CYP39A1: variants seen among roughly 807,000 people sequenced by gnomAD.
CYP39A1 encodes the protein cytochrome P450 family 39 subfamily A member 1, also known as 24-hydroxycholesterol 7-alpha-hydroxylase.
In CYP39A1, 49 loss-of-function variants were observed where a neutral mutation model predicts 58.1. The observed-to-expected ratio is 0.84, with a 90% CI of 0.67 to 1.07. The LOEUF (loss-of-function observed/expected upper bound fraction) is 1.07, where lower values mean the gene tolerates loss of function less well. CYP39A1 is among the 50% of genes least tolerant of loss of function. CYP39A1 has a pLI of 0.00. For missense variants in CYP39A1, 531 were observed against 539.4 expected (o/e 0.98, Z 0.16); for synonymous variants, 209 against 187.6 (o/e 1.11, Z -0.93).
At chr6:46,585,364 C>T (rs199984890) in intron 10 of CYP39A1, among the ~76,000 whole-genome samples, 26 of 141,008 alleles carry the variant, frequency 1.8e-4, no homozygotes, top group South Asian at 2.3e-4. Context: ...GATAGATAGA[C>T]AGACAGATAG....
intron 10 of CYP39A1, among the ~76,000 whole-genome samples, chr6:46,564,896 A>C (rs539320185): frequency 1.3e-5 from 2 of 152,220 alleles, no homozygotes; most frequent in Non-Finnish European, 2.9e-5. Context: ...TGTCATAGGC[A>C]TCATTCATTG....
At chr6:46,622,397 A>T (rs923746002) in intron 7 of CYP39A1, among the ~76,000 whole-genome samples, 3 of 152,070 alleles carry the variant, frequency 2.0e-5, no homozygotes, top group Non-Finnish European at 4.4e-5. Flanking sequence ...ACAAACTTAT[A>T]GCTCAAGATG....
intron 10 of CYP39A1, among the ~76,000 whole-genome samples, chr6:46,560,718 A>G (rs568962738): frequency 6.6e-6 from 1 of 152,290 alleles, no homozygotes; most frequent in Admixed American, 6.5e-5. Context: ...TATTTAGACA[A>G]TTATTTAAAG....
At chr6:46,594,586 T>C (rs1395074202) in intron 8 of CYP39A1, among the ~76,000 whole-genome samples, 1 of 151,948 alleles carries the variant, frequency 6.6e-6, no homozygotes, top group Non-Finnish European at 1.5e-5. Flanking sequence ...ATAAATGATG[T>C]TGGGAAAACT....
chr6:46,596,630 G>GT lies in CYP39A1; in HGVS notation c.932-511dup, dbSNP rs1773180539. Reference sequence around the variant, plus strand: ...CTGGAAAAGGGGCAATGGGGCACAAGTATCTGAGCTGGAAGAATGAAGATG... The same window carrying GT: ...CTGGAAAAGGGGCAATGGGGCACAAGTTATCTGAGCTGGAAGAATGAAGATG... On this transcript the variant is annotated intron_variant, in intron 7 of 11. Coordinates refer to ENST00000275016, the MANE Select transcript of CYP39A1 (RefSeq NM_016593.5). Among the ~76,000 whole-genome samples, 3 of 151,770 alleles carry GT rather than the reference G, an allele frequency of 2.0e-5. No homozygotes were observed. In the South Asian group the frequency reaches 6.2e-4, roughly 32 times the overall value.
At chr6:46,630,333 T>C (rs1775577886) in intron 6 of CYP39A1, among the ~76,000 whole-genome samples, 1 of 152,162 alleles carries the variant, frequency 6.6e-6, no homozygotes, top group South Asian at 2.1e-4. Context: ...GCTTATCTTA[T>C]TAAATCCTCA....
intron 10 of CYP39A1, among the ~76,000 whole-genome samples, chr6:46,582,845 A>G (rs1042797850): frequency 1.3e-5 from 2 of 152,108 alleles, no homozygotes; most frequent in African/African-American, 4.8e-5. Context: ...TTTGTTTTCC[A>G]TGATAACTCC....
At chr6:46,624,428 A>G (rs374610611) in intron 7 of CYP39A1, among the ~76,000 whole-genome samples, 51 of 152,242 alleles carry the variant, frequency 3.3e-4, no homozygotes, top group African/African-American at 1.2e-3. Context: ...GTTGGCATTC[A>G]ATGATAATGA....
chr6:46,565,966 C>T (rs201010931), intron 10 of CYP39A1, among the ~76,000 whole-genome samples: 1 of 152,180 alleles, frequency 6.6e-6, no homozygotes. Flanking sequence ...AAAGCCAGTG[C>T]CATGGTATTG....
chr6:46,588,221 G>A, intron 8 of CYP39A1, 92 bp from the exon 9 acceptor site: 2 of 570,776 alleles, frequency 3.5e-6, no homozygotes, highest in Non-Finnish European at 3.0e-6. Context: ...ATTATATTGT[G>A]GTGAAGATAT....
chr6:46,597,918 G>T (rs748727957), intron 7 of CYP39A1, among the ~76,000 whole-genome samples: 1 of 152,132 alleles, frequency 6.6e-6, no homozygotes, highest in Non-Finnish European at 1.5e-5. Context: ...ATTAAAAGGA[G>T]ATAAGCACTT....
rs897241053 is a variant in CYP39A1, at chr6:46,623,915, G to A, written c.931+1503C>T. 3.3e-5 allele frequency among the ~76,000 whole-genome samples: 5 copies of A among 152,306 alleles called. No individual in the cohort carries two copies. The East Asian group carries it at 9.6e-4, about 29-fold the overall frequency. The stretch of plus-strand genomic sequence containing the variant: ...TTCATAAATAGTTTTCAATTCTGCA[G>A]TAGTGTCTTATAGACTGAAAGCATC... On this transcript the variant is annotated intron_variant, in intron 7 of 11. Coordinates refer to ENST00000275016, the MANE Select transcript of CYP39A1 (RefSeq NM_016593.5).
At chr6:46,565,893 A>C (rs528728741) in intron 10 of CYP39A1, among the ~76,000 whole-genome samples, 3 of 152,280 alleles carry the variant, frequency 2.0e-5, no homozygotes, top group Admixed American at 6.5e-5. Context: ...TTGGGGAGAC[A>C]GATTTGAGCA....
intron 7 of CYP39A1, among the ~76,000 whole-genome samples, chr6:46,606,198 T>A (rs993534942): frequency 2.0e-5 from 3 of 152,092 alleles, no homozygotes; most frequent in African/African-American, 7.2e-5. Context: ...AGAAGCTTGT[T>A]TTGAATTGAA....
At chr6:46,627,677 C>T (rs1027997848) in intron 6 of CYP39A1, among the ~76,000 whole-genome samples, 1 of 151,998 alleles carries the variant, frequency 6.6e-6, no homozygotes, top group African/African-American at 2.4e-5. Flanking sequence ...CTCAGCCTCC[C>T]GAAGTGCTGG....
intron 10 of CYP39A1, among the ~76,000 whole-genome samples, chr6:46,580,644 A>T (rs1772082467): frequency 6.6e-6 from 1 of 152,202 alleles, no homozygotes; most frequent in Non-Finnish European, 1.5e-5. Flanking sequence ...AAGGAACTTA[A>T]ATCAGCAAGC....
intron 10 of CYP39A1, among the ~76,000 whole-genome samples, chr6:46,573,668 G>A (rs1771707054): frequency 6.6e-6 from 1 of 152,134 alleles, no homozygotes; most frequent in Non-Finnish European, 1.5e-5. Flanking sequence ...CAGCACATAG[G>A]TGATCAGAGC....
chr6:46,594,378 C>G (rs1394556694), intron 8 of CYP39A1, among the ~76,000 whole-genome samples: 2 of 151,890 alleles, frequency 1.3e-5, no homozygotes, highest in South Asian at 2.1e-4. Flanking sequence ...AAAGAAAAAA[C>G]CTGAATCATC....
At chr6:46,567,515 A>T (rs1294231694) in intron 10 of CYP39A1, among the ~76,000 whole-genome samples, 5 of 151,810 alleles carry the variant, frequency 3.3e-5, no homozygotes, top group Admixed American at 6.6e-5. Context: ...TCATATGGCA[A>T]TTTTTTTTAA....
Sources: gnomAD v4.1 joint callset for allele counts (sites outside exome capture counted in the v4.1 genomes callset) on GRCh38, gnomAD v4.1.1 for gene constraint, MANE v1.5 for transcripts, NCBI Gene and HGNC (gene_info 2026-07-23, HGNC 2026-07-21) for gene names.